The following CD200R1L variants were observed in gnomAD, a reference collection of about 807,000 sequenced individuals.
CD200R1L encodes cell surface glycoprotein CD200 receptor 2.
CD200R1L carries 14 observed loss-of-function variants against 24.8 expected under a neutral mutation model. That is an observed-to-expected ratio of 0.56 (90% CI 0.37 to 0.88). The LOEUF is 0.88. Among genes scored for constraint, CD200R1L ranks in the 40% least tolerant of loss-of-function variants. The probability of loss-of-function intolerance (pLI) is 0.00; values close to 1 mark genes in which losing one functional copy is unlikely to be tolerated. For synonymous variants in CD200R1L, 111 were observed against 109.2 expected, an observed-to-expected ratio of 1.02 and a Z score of -0.11; for missense variants, 299 against 297.8, an observed-to-expected ratio of 1.00 and a Z score of -0.03.
intron 2 of CD200R1L, among the ~76,000 whole-genome samples, chr3:112,839,338 G>A (rs1256542365): frequency 6.6e-6 from 1 of 152,214 alleles, no homozygotes; most frequent in Admixed American, 6.5e-5. Context: ...ATGCGAAAAT[G>A]TCACAACTGG....
rs1352447727 is a variant in CD200R1L at position 112,829,330 on chromosome 3, A to G, written c.38T>C (p.Ile13Thr). 1.9e-6 allele frequency: 3 copies of G among 1,613,948 alleles called. No individual in the cohort carries two copies. Among genetic ancestry groups the G allele is most frequent in the Non-Finnish European group, 1.7e-6 (2 of 1,179,778 alleles). The change falls in exon 4 of 8, where the codon ATT becomes ACT. Residue 13 changes from isoleucine (I) to threonine (T), a missense_variant. By Grantham distance (89) the Ile-to-Thr change is moderately conservative. Coordinates refer to ENST00000488794, the MANE Select transcript of CD200R1L (RefSeq NM_001199215.3). ...AGGGAGCATATTACCTTCTGCAAAAATTGTTGAATAGTTCTGTGTCATCTG... is the reference window on the plus strand; with the variant it reads ...AGGGAGCATATTACCTTCTGCAAAAGTTGTTGAATAGTTCTGTGTCATCTG... Reference protein sequence around the residue: ...GKQMTQNYSTIFAEGNISQPV... With the variant: ...GKQMTQNYSTTFAEGNISQPV...
chr3:112,842,106 A>G (rs1939096653), intron 2 of CD200R1L, among the ~76,000 whole-genome samples: 1 of 152,192 alleles, frequency 6.6e-6, no homozygotes, highest in African/African-American at 2.4e-5. Context: ...TTGGGACAAA[A>G]CTAGCTGGTT....
intron 2 of CD200R1L, 30 bp downstream of exon 2, chr3:112,845,649 C>T: frequency 6.4e-7 from 1 of 1,574,240 alleles, no homozygotes; most frequent in Non-Finnish European, 8.7e-7. Context: ...GCTTTATTTT[C>T]AGCTGAAAAT....
chr3:112,842,359 G>A (rs529940441), intron 2 of CD200R1L, among the ~76,000 whole-genome samples: 2 of 152,316 alleles, frequency 1.3e-5, no homozygotes, highest in East Asian at 3.9e-4. Context: ...TCTTATGCCT[G>A]TCTTTAATTT....
intron 6 of CD200R1L, among the ~76,000 whole-genome samples, chr3:112,823,547 GA>G (rs1285639452): frequency 3.3e-5 from 5 of 152,082 alleles, no homozygotes; most frequent in African/African-American, 7.2e-5. Context: ...TTGGTGTAGG[GA>G]AAAAAACTCA....
intron 6 of CD200R1L, among the ~76,000 whole-genome samples, chr3:112,823,824 G>A (rs559766851): frequency 1.3e-5 from 2 of 152,310 alleles, no homozygotes; most frequent in Admixed American, 1.3e-4. Flanking sequence ...GAAATTGCAT[G>A]TAAAAGGGAA....
At chr3:112,820,369 C>T (rs991156021) in intron 6 of CD200R1L, among the ~76,000 whole-genome samples, 7 of 152,082 alleles carry the variant, frequency 4.6e-5, no homozygotes, top group African/African-American at 1.7e-4. Flanking sequence ...TTTTATTTAC[C>T]TGTGAAATGG....
intron 3 of CD200R1L, among the ~76,000 whole-genome samples, chr3:112,832,243 C>T (rs1488521734): frequency 1.3e-5 from 2 of 152,176 alleles, no homozygotes; most frequent in African/African-American, 4.8e-5. Flanking sequence ...ACATTAAGGG[C>T]CTCCTGTTAG....
intron 2 of CD200R1L, among the ~76,000 whole-genome samples, chr3:112,840,103 T>A (rs1390087954): frequency 6.6e-6 from 1 of 152,192 alleles, no homozygotes; most frequent in Admixed American, 6.5e-5. Flanking sequence ...AAGACAAAGC[T>A]GAATGAGGCC....
intron 4 of CD200R1L, among the ~76,000 whole-genome samples, 199 bp from the exon 5 acceptor site, chr3:112,827,883 A>G (rs2096388027): frequency 1.3e-5 from 2 of 152,198 alleles, no homozygotes; most frequent in Admixed American, 6.5e-5. Flanking sequence ...AAGATTAACA[A>G]ACTTTCTCCA....
At chr3:112,825,555 G>T (rs908967042) in intron 6 of CD200R1L, among the ~76,000 whole-genome samples, 5 of 151,772 alleles carry the variant, frequency 3.3e-5, no homozygotes, top group African/African-American at 1.2e-4. Context: ...TCTGCGCAGG[G>T]AGACACAAAT....
chr3:112,832,403 C>G (rs537596992), intron 3 of CD200R1L, among the ~76,000 whole-genome samples: 1 of 152,230 alleles, frequency 6.6e-6, no homozygotes, highest in South Asian at 2.1e-4. Flanking sequence ...GCTTGCAGAC[C>G]ATCTTGTTGA....
rs139995185 is a variant in CD200R1L, at chr3:112,841,498, G to T, written c.-86-3488C>A. On this transcript the variant is annotated intron_variant, in intron 2 of 7. Transcript: ENST00000488794. ...GCTCAAACCTGTATGGAGCCTAGAA[G>T]ATTTCTCATGTGGGGCAGGTGCAGC... 4.9e-4 allele frequency among the ~76,000 whole-genome samples: 74 copies of T among 152,362 alleles called. No homozygotes were observed. In the East Asian group the frequency reaches 0.012, roughly 24 times the overall value.
At position 112,829,511 on chromosome 3, in the gene CD200R1L, T is replaced by A. The variant is rs1053074730; in HGVS notation, c.-17-127A>T. The A allele has an allele frequency of 3.1e-6, 4 of 1,292,642 alleles. No individual in the cohort carries two copies. The African/African-American group carries it at 6.0e-5, about 19-fold the overall frequency. 80.1% of individuals were successfully genotyped at this position (1,292,642 alleles called of 1,614,324 possible). A position where few individuals can be genotyped will look rare whatever the true frequency, so the allele number is the denominator to read the frequency against. Reference sequence around the variant, plus strand: ...AACCATAACTAAAATTATACAAAAATCATTGTAAAACAGAAATTAGAAGTT... The same window carrying A: ...AACCATAACTAAAATTATACAAAAAACATTGTAAAACAGAAATTAGAAGTT... On this transcript the variant is annotated intron_variant, in intron 3 of 7. Coordinates refer to ENST00000488794, the MANE Select transcript of CD200R1L (RefSeq NM_001199215.3).
In CD200R1L at chr3:112,833,208, T is replaced by G. The variant is rs1938854338; in HGVS notation, c.-17-3824A>C. Reference sequence around the variant, plus strand: ...TGCGATTACTGCTCTGACCCTCTAATAGGATGCTAGTCCAAGTGTGCTCCA... The same window carrying G: ...TGCGATTACTGCTCTGACCCTCTAAGAGGATGCTAGTCCAAGTGTGCTCCA... On this transcript the variant is annotated intron_variant, in intron 3 of 7. Coordinates refer to ENST00000488794, the MANE Select transcript of CD200R1L (RefSeq NM_001199215.3). Among the ~76,000 whole-genome samples the G allele has an allele frequency of 2.6e-5, 4 of 152,218 alleles. No homozygotes were observed. In the South Asian group the frequency reaches 8.3e-4, roughly 31 times the overall value.
At chr3:112,831,476 A>G (rs570127742) in intron 3 of CD200R1L, among the ~76,000 whole-genome samples, 1 of 152,346 alleles carries the variant, frequency 6.6e-6, no homozygotes, top group African/African-American at 2.4e-5. Flanking sequence ...GTTGAATTGT[A>G]TATCTGAAAA....
At chr3:112,845,593 T>G in intron 2 of CD200R1L, 86 bp downstream of exon 2, 1 of 1,100,834 alleles carries the variant, frequency 9.1e-7, no homozygotes, top group Admixed American at 1.8e-5. Context: ...AAGAAACACC[T>G]TATAAGTAAG....
chr3:112,819,371 A>G, intron 7 of CD200R1L, among the ~76,000 whole-genome samples: 1 of 152,210 alleles, frequency 6.6e-6, no homozygotes, highest in South Asian at 2.1e-4. Context: ...ATTGACATCC[A>G]GCTCTTTCGA....
At chr3:112,826,332 T>A (rs1938656211) in intron 6 of CD200R1L, among the ~76,000 whole-genome samples, 1 of 152,126 alleles carries the variant, frequency 6.6e-6, no homozygotes, top group Non-Finnish European at 1.5e-5. Flanking sequence ...GTAATTTTAT[T>A]TAATTAACCC....
Sources: allele counts gnomAD v4.1 joint callset (sites outside exome capture counted in the v4.1 genomes callset), GRCh38; gene constraint gnomAD v4.1.1; transcripts MANE v1.5; gene names NCBI Gene and HGNC (gene_info 2026-07-23, HGNC 2026-07-21).